The following PLEKHG4B variants were observed in gnomAD, a reference collection of about 807,000 sequenced individuals.
PLEKHG4B encodes the protein pleckstrin homology domain-containing family G member 4B.
Under a neutral mutation model 121.3 loss-of-function variants are expected in PLEKHG4B, and 111 were observed. That is an observed-to-expected ratio of 0.92 (90% CI 0.78 to 1.07). The LOEUF (loss-of-function observed/expected upper bound fraction) is 1.07. Among genes scored for constraint, PLEKHG4B ranks in the 50% least tolerant of loss-of-function variants. The pLI is 0.00. For missense variants in PLEKHG4B, 1,831 were observed against 1,757.8 expected, an observed-to-expected ratio of 1.04 and a Z score of -0.74; for synonymous variants, 738 against 725.0, an observed-to-expected ratio of 1.02 and a Z score of -0.29.
At chr5:100,136 G>A (rs1191889456) in intron 1 of PLEKHG4B, among the ~76,000 whole-genome samples, 2 of 152,088 alleles carry the variant, frequency 1.3e-5, no homozygotes, top group African/African-American at 4.8e-5. Flanking sequence ...GTGTTTTGTG[G>A]AAGATTTAGA....
chr5:148,571 TAAAG>T (rs1463317564), intron 6 of PLEKHG4B, among the ~76,000 whole-genome samples: 6 of 152,074 alleles, frequency 3.9e-5, no homozygotes, highest in Admixed American at 3.9e-4. Context: ...TGAAAGAAAT[TAAAG>T]AAGACATAAA....
intron 2 of PLEKHG4B, among the ~76,000 whole-genome samples, chr5:131,771 AC>A (rs997288127): frequency 4.6e-5 from 7 of 152,226 alleles, no homozygotes; most frequent in African/African-American, 1.7e-4. Context: ...CTTCTCCAGC[AC>A]CTGTTGTTTC....
At position 182,094 on chromosome 5, in the gene PLEKHG4B, C is replaced by A. The variant is rs764775176; in HGVS notation, c.4655C>A (p.Thr1552Asn). 25 of 1,614,170 alleles carry A rather than the reference C, an allele frequency of 1.5e-5. No homozygotes were observed. Among genetic ancestry groups the A allele is most frequent in the Non-Finnish European group, 2.1e-5 (25 of 1,180,048 alleles). ...CACTCCACCATCTCAGACAGCAGCA[C>A]CTCCTCTTCTAGCAGCCAGTCCTCC... ...RPHSTISDSS[T>N]SSSSSQSSSI... The change falls in exon 20 of 20, where the codon ACC becomes AAC. Residue 1552 changes from threonine (T) to asparagine (N), a missense_variant. Physicochemically the swap from Thr to Asn is moderately conservative, Grantham distance 65. Transcript: ENST00000637938.
chr5:172,977 T>G lies in PLEKHG4B; in HGVS notation c.4131T>G (p.His1377Gln), dbSNP rs372164568. 38 of 1,614,022 alleles carry G rather than the reference T, an allele frequency of 2.4e-5. No individual in the cohort carries two copies. Among genetic ancestry groups the G allele is most frequent in the Non-Finnish European group, 3.1e-5 (37 of 1,180,028 alleles). The change falls in exon 17 of 20, where the codon CAT becomes CAG. Residue 1377 changes from histidine to glutamine, a missense_variant. Transcript: ENST00000637938. ...VCCGRKKYLRHVFLFEDLILF... is the reference protein window; with the variant it reads ...VCCGRKKYLRQVFLFEDLILF... Reference sequence around the variant, plus strand: ...GCGGGAGGAAGAAGTATCTGAGGCATGTGTTCCTCTTTGAAGACCTCATCC... The same window carrying G: ...GCGGGAGGAAGAAGTATCTGAGGCAGGTGTTCCTCTTTGAAGACCTCATCC...
rs151048083 is a variant in PLEKHG4B, at chr5:171,365, G to T, written c.3971G>T (p.Arg1324Leu). ...LAQGQELGEL[R>L]AAEVVVCFQL... ...CAGGGGCAGGAGCTGGGCGAGCTCCGAGCCGCCGAGGTCGTGGTCTGCTTC... is the reference window on the plus strand; with the variant it reads ...CAGGGGCAGGAGCTGGGCGAGCTCCTAGCCGCCGAGGTCGTGGTCTGCTTC... Residue 1324 changes from arginine to leucine, a missense_variant, in exon 16 of 20, where the codon CGA (arginine) becomes CTA (leucine). Coordinates refer to ENST00000637938, the MANE Select transcript of PLEKHG4B (RefSeq NM_052909.5). 211 of 1,611,748 alleles carry T rather than the reference G, an allele frequency of 1.3e-4. No homozygotes were observed. In the African/African-American group the frequency reaches 2.6e-3, roughly 20 times the overall value.
chr5:108,349 A>G (rs1049348650), intron 1 of PLEKHG4B, among the ~76,000 whole-genome samples: 9 of 152,172 alleles, frequency 5.9e-5, no homozygotes, highest in Admixed American at 3.9e-4. Context: ...ACCCTGTTGT[A>G]CCAACTTCGG....
chr5:186,611 G>A lies in PLEKHG4B; in HGVS notation c.*4288G>A, dbSNP rs1360912499. 6.6e-6 allele frequency: 1 copy of A among 152,428 alleles called. No homozygotes were observed. Among genetic ancestry groups the A allele is most frequent in the African/African-American group, 2.4e-5 (1 of 41,466 alleles). The allele number at this position is 152,428 out of a possible 1,614,324, so 9.4% of individuals were successfully genotyped here. Reference sequence around the variant, plus strand: ...GACGCTAGCGCGGAGTCGTCGCCAAGCACGTGGAGGGACAGCCCTGGAGCC... The same window carrying A: ...GACGCTAGCGCGGAGTCGTCGCCAAACACGTGGAGGGACAGCCCTGGAGCC... On this transcript the variant is annotated 3_prime_UTR_variant, in exon 20 of 20. Coordinates refer to ENST00000637938, the MANE Select transcript of PLEKHG4B (RefSeq NM_052909.5).
chr5:112,712 G>A (rs543396198), intron 1 of PLEKHG4B, among the ~76,000 whole-genome samples: 60 of 152,248 alleles, frequency 3.9e-4, no homozygotes, highest in African/African-American at 1.4e-3. Context: ...CAAAATCATC[G>A]ACACAATTAA....
intron 13 of PLEKHG4B, among the ~76,000 whole-genome samples, chr5:165,405 C>G (rs1387901727): frequency 2.5e-5 from 1 of 39,704 alleles, no homozygotes; most frequent in African/African-American, 1.1e-4. Flanking sequence ...GGAGCTCACA[C>G]TAATGCTCTG....
chr5:145,055 G>A (rs1735361638), intron 6 of PLEKHG4B, 135 bp downstream of exon 6: 2 of 697,550 alleles, frequency 2.9e-6, no homozygotes, highest in Non-Finnish European at 4.8e-6. Context: ...GGGCCCCTGT[G>A]CAGAGCCACC....
intron 12 of PLEKHG4B, among the ~76,000 whole-genome samples, chr5:162,284 C>T (rs58343019): frequency 5.1e-4 from 37 of 72,800 alleles, no homozygotes; most frequent in East Asian, 2.2e-3. Flanking sequence ...CGCCCCAGAC[C>T]GCACGCCTGC....
At chr5:134,793 T>G (rs1357521121) in intron 2 of PLEKHG4B, among the ~76,000 whole-genome samples, 1 of 143,978 alleles carries the variant, frequency 6.9e-6, no homozygotes, top group Non-Finnish European at 1.5e-5. Context: ...AAAAGAAAAG[T>G]AAAACCTGTT....
chr5:104,452 G>A (rs375627716), intron 1 of PLEKHG4B, among the ~76,000 whole-genome samples: 4 of 152,122 alleles, frequency 2.6e-5, no homozygotes, highest in Admixed American at 6.5e-5. Flanking sequence ...TCTAAAATAC[G>A]GATCCTTCAA....
At chr5:142,498 T>TCA (rs763750296) in intron 3 of PLEKHG4B, among the ~76,000 whole-genome samples, 1 of 150,390 alleles carries the variant, frequency 6.6e-6, no homozygotes, top group Admixed American at 6.6e-5. Flanking sequence ...ACACACGCAG[T>TCA]CACACCACAC....
chr5:152,525 T>C (rs1358478250), intron 7 of PLEKHG4B, among the ~76,000 whole-genome samples: 4 of 152,204 alleles, frequency 2.6e-5, no homozygotes, highest in Non-Finnish European at 1.5e-5. Context: ...TCTTAAAAAC[T>C]TTTTTCCTGC....
In PLEKHG4B at chr5:163,557, G is replaced by C. The variant is rs374429892; in HGVS notation, c.3476+9G>C. On this transcript the variant is annotated intron_variant, in intron 13 of 19. Transcript: ENST00000637938. ...AGGCAGCAGGTGGGCAGGTGAGGTG[G>C]ACGTCCCCCTCCTCTCGTCCTAGCA... 2 of 1,566,816 alleles carry C rather than the reference G, an allele frequency of 1.3e-6. No individual in the cohort carries two copies. The highest frequency in any genetic ancestry group is 1.7e-6 in the Non-Finnish European group (2 of 1,156,660).
chr5:150,387 G>A (rs1339920427), intron 6 of PLEKHG4B, among the ~76,000 whole-genome samples: 9 of 152,102 alleles, frequency 5.9e-5, no homozygotes, highest in African/African-American at 1.9e-4. Context: ...ACGGGTGCAG[G>A]GTTTTGCTCT....
intron 6 of PLEKHG4B, 138 bp from the exon 7 acceptor site, chr5:151,375 A>G: frequency 2.0e-6 from 1 of 504,218 alleles, no homozygotes; most frequent in Middle Eastern, 5.1e-4. Flanking sequence ...TTTCAGGGCA[A>G]AGTCAGCCAT....
rs768706776 is a variant in PLEKHG4B, at chr5:143,002, G to T, written c.1478-45G>T. 14 of 1,563,708 alleles carry T rather than the reference G, an allele frequency of 9.0e-6. No individual in the cohort carries two copies. The East Asian group carries it at 1.1e-4, about 13-fold the overall frequency. On this transcript the variant is annotated intron_variant, in intron 3 of 19. Transcript: ENST00000637938. ...TGAGCATAGCAGCTGCTTTCAACGC[G>T]CAGGAAAACCTTCATCTTTGACACG...
Sources: gnomAD v4.1 joint callset for allele counts (sites outside exome capture counted in the v4.1 genomes callset) on GRCh38, gnomAD v4.1.1 for gene constraint, MANE v1.5 for transcripts, NCBI Gene and HGNC (gene_info 2026-07-23, HGNC 2026-07-21) for gene names.